BRINP2: variants seen among roughly 807,000 people sequenced by gnomAD.
BRINP2 encodes the protein BMP/retinoic acid-inducible neural-specific protein 2.
A neutral mutation model predicts 69.2 loss-of-function variants in BRINP2; 21 were observed. The ratio of observed to expected loss-of-function variants is 0.30; its 90% confidence interval spans 0.22 to 0.44. The LOEUF (loss-of-function observed/expected upper bound fraction) is 0.44, where lower values mean the gene tolerates loss of function less well. BRINP2 is among the 20% of genes least tolerant of loss of function. The pLI, the probability that BRINP2 is intolerant of heterozygous loss-of-function variation, is 1.00. For missense variants in BRINP2, 877 were observed against 986.0 expected (o/e 0.89, Z 1.48); for synonymous variants, 380 against 394.1 (o/e 0.96, Z 0.42).
intron 4 of BRINP2, among the ~76,000 whole-genome samples, chr1:177,262,928 C>A (rs10798508): frequency 6.6e-6 from 1 of 151,894 alleles, no homozygotes; most frequent in South Asian, 2.1e-4. Context: ...TCAGCATAGT[C>A]GTAAGTTTTA....
At position 177,281,442 on chromosome 1, in the gene BRINP2, G is replaced by A. The variant is rs766709306; in HGVS notation, c.2266G>A (p.Val756Met). ...RHRLKLANNE[V>M]GRIQSSLRAF... Reference sequence around the variant, plus strand: ...TCGGCTTAAGCTGGCCAACAATGAGGTGGGCAGGATCCAGTCCTCCCTGAG... The same window carrying A: ...TCGGCTTAAGCTGGCCAACAATGAGATGGGCAGGATCCAGTCCTCCCTGAG... The change falls in exon 8 of 8, where the codon GTG becomes ATG. Residue 756 changes from valine to methionine, a missense_variant. By Grantham distance (21) the Val-to-Met change is conservative. This residue lies in a region of BRINP2 where 225 missense variants were observed against 218.7 expected (regional missense o/e 1.03). Coordinates refer to ENST00000361539, the MANE Select transcript of BRINP2 (RefSeq NM_021165.4). 5.0e-6 allele frequency: 8 copies of A among 1,613,982 alleles called. 1 individual carries two copies. Among genetic ancestry groups the A allele is most frequent in the Non-Finnish European group, 6.8e-6 (8 of 1,180,026 alleles).
chr1:177,199,458 A>C (rs112952225), intron 1 of BRINP2, among the ~76,000 whole-genome samples: 1 of 152,138 alleles, frequency 6.6e-6, no homozygotes, highest in East Asian at 1.9e-4. Flanking sequence ...CCCTTCCCCA[A>C]ATGTCCCAGG....
rs143141500 is a variant in BRINP2 at position 177,277,157 on chromosome 1, T to TTA, written c.1012+733_1012+734dup. Among the ~76,000 whole-genome samples, 1,370 of 151,584 alleles carry TTA rather than the reference T, an allele frequency of 9.0e-3. 19 individuals are homozygous for TTA. The highest frequency in any genetic ancestry group is 0.032 in the African/African-American group (1,319 of 41,352). ...AACAAAGCAAGACAAAAAGGTTACA[T>TTA]TATATATATATTTATATAATGTCTT... On this transcript the variant is annotated intron_variant, in intron 6 of 7. Coordinates refer to ENST00000361539, the MANE Select transcript of BRINP2 (RefSeq NM_021165.4).
In BRINP2 at chr1:177,265,203, G is replaced by C. The variant is rs567311559; in HGVS notation, c.669+7819G>C. Among the ~76,000 whole-genome samples, 3 of 152,240 alleles carry C rather than the reference G, an allele frequency of 2.0e-5. No individual in the cohort carries two copies. The South Asian group carries it at 6.2e-4, about 32-fold the overall frequency. On this transcript the variant is annotated intron_variant, in intron 4 of 7. Coordinates refer to ENST00000361539, the MANE Select transcript of BRINP2 (RefSeq NM_021165.4). ...AAACCTGACAAAAACAAGAAATAGGGAAATGATTCCCCTATTTAATAAATG... is the reference window on the plus strand; with the variant it reads ...AAACCTGACAAAAACAAGAAATAGGCAAATGATTCCCCTATTTAATAAATG...
At chr1:177,226,982 A>G (rs998783440) in intron 1 of BRINP2, among the ~76,000 whole-genome samples, 1 of 152,220 alleles carries the variant, frequency 6.6e-6, no homozygotes, top group Non-Finnish European at 1.5e-5. Context: ...GGTATTGCTC[A>G]AGGTTATTCA....
At chr1:177,228,188 G>T (rs914579420) in intron 1 of BRINP2, among the ~76,000 whole-genome samples, 1 of 152,214 alleles carries the variant, frequency 6.6e-6, no homozygotes, top group Non-Finnish European at 1.5e-5. Context: ...CACATGGGAG[G>T]TGGTCAATAT....
intron 1 of BRINP2, among the ~76,000 whole-genome samples, chr1:177,208,375 A>T (rs1649123841): frequency 6.6e-6 from 1 of 152,240 alleles, no homozygotes; most frequent in African/African-American, 2.4e-5. Context: ...TGGGAAGGAT[A>T]GTTTTGTGTT....
At chr1:177,276,130 G>C (rs773122264) in intron 5 of BRINP2, 68 bp from the exon 6 acceptor site, 5 of 1,434,626 alleles carry the variant, frequency 3.5e-6, no homozygotes, top group East Asian at 4.6e-5. Context: ...ATTCCTGCAG[G>C]CTTGGGCATG....
chr1:177,276,368 A>G lies in BRINP2; in HGVS notation c.946A>G (p.Met316Val), dbSNP rs1357276904. The G allele has an allele frequency of 6.2e-7, 1 of 1,614,228 alleles. No individual in the cohort carries two copies. Among genetic ancestry groups the G allele is most frequent in the African/African-American group, 1.3e-5 (1 of 75,066 alleles). Residue 316 changes from methionine (M) to valine (V), a missense_variant, in exon 6 of 8, where the codon ATG becomes GTG. Met to Val is a conservative substitution (Grantham distance 21). Transcript: ENST00000361539. ...CTGCCCTGATGCTGACATCCAGGCC[A>G]TGGAGGACAGCCTGCTGCAGATCCA... ...CNCPDADIQA[M>V]EDSLLQIQDS... is the part of the protein sequence containing the mutation.
At chr1:177,265,419 C>T (rs901302025) in intron 4 of BRINP2, among the ~76,000 whole-genome samples, 1 of 152,168 alleles carries the variant, frequency 6.6e-6, no homozygotes, top group African/African-American at 2.4e-5. Context: ...ATGCCCACTG[C>T]CATTTCCTTA....
At chr1:177,276,540 TGA>T in intron 6 of BRINP2, 106 bp downstream of exon 6, 6 of 987,044 alleles carry the variant, frequency 6.1e-6, no homozygotes, top group Non-Finnish European at 7.7e-6. Context: ...ATGGGGATCC[TGA>T]CATGACCACT....
chr1:177,250,488 G>A (rs565348379), intron 2 of BRINP2, among the ~76,000 whole-genome samples: 10 of 152,210 alleles, frequency 6.6e-5, no homozygotes, highest in Admixed American at 3.3e-4. Context: ...CATTGCGCCC[G>A]GCTAATTTTT....
intron 1 of BRINP2, among the ~76,000 whole-genome samples, chr1:177,194,298 A>G (rs963657902): frequency 3.3e-5 from 5 of 152,216 alleles, no homozygotes; most frequent in East Asian, 3.9e-4. Flanking sequence ...ATCTTTTTAC[A>G]TGACAGAATC....
intron 1 of BRINP2, among the ~76,000 whole-genome samples, chr1:177,197,232 T>C (rs1288625586): frequency 6.6e-6 from 1 of 152,068 alleles, no homozygotes; most frequent in Non-Finnish European, 1.5e-5. Flanking sequence ...GAGCAAGGTG[T>C]CTCACATGGC....
rs151068470 is a variant in BRINP2, at chr1:177,229,829, C to T, written c.-48C>T. On this transcript the variant is annotated 5_prime_UTR_variant, in exon 2 of 8. Coordinates refer to ENST00000361539, the MANE Select transcript of BRINP2 (RefSeq NM_021165.4). ...CGAGCCCTGGAGGAGCAGCACGGAG[C>T]GGGAGAGCGTGGCGAGAGAATGAAG... 663 of 1,538,218 alleles carry T rather than the reference C, an allele frequency of 4.3e-4. 2 individuals are homozygous for T. The African/African-American group carries it at 7.7e-3, about 18-fold the overall frequency.
At chr1:177,182,306 G>C (rs1648282853) in intron 1 of BRINP2, among the ~76,000 whole-genome samples, 1 of 151,956 alleles carries the variant, frequency 6.6e-6, no homozygotes, top group Non-Finnish European at 1.5e-5. Flanking sequence ...ACTAATTTGT[G>C]TTAAGGTATT....
chr1:177,249,542 G>A (rs540854609), intron 2 of BRINP2, among the ~76,000 whole-genome samples: 1 of 152,350 alleles, frequency 6.6e-6, no homozygotes, highest in African/African-American at 2.4e-5. Context: ...AACAAACACA[G>A]TGGGAGAAGA....
chr1:177,263,302 T>C (rs1347910259), intron 4 of BRINP2, among the ~76,000 whole-genome samples: 2 of 152,186 alleles, frequency 1.3e-5, no homozygotes, highest in Non-Finnish European at 2.9e-5. Flanking sequence ...ATTCCCTATG[T>C]AATCACTTAA....
At chr1:177,173,770 A>G (rs1193823667) in intron 1 of BRINP2, among the ~76,000 whole-genome samples, 1 of 152,180 alleles carries the variant, frequency 6.6e-6, no homozygotes, top group African/African-American at 2.4e-5. Context: ...ACTGGAGAGC[A>G]TCACAGAAAA....
Sources: gnomAD v4.1 joint callset for allele counts (sites outside exome capture counted in the v4.1 genomes callset) on GRCh38, gnomAD v4.1.1 for gene constraint, gnomAD v4.1.1 regional missense constraint, MANE v1.5 for transcripts, NCBI Gene and HGNC (gene_info 2026-07-23, HGNC 2026-07-21) for gene names.